The following KIF6 variants were observed in gnomAD, a reference collection of about 807,000 sequenced individuals.
KIF6 encodes kinesin-like protein KIF6.
In KIF6, 106 loss-of-function variants were observed where a neutral mutation model predicts 112.7. The ratio of observed to expected loss-of-function variants is 0.94; its 90% confidence interval spans 0.80 to 1.11. KIF6 has a LOEUF of 1.11. Among genes scored for constraint, KIF6 ranks in the 50% least tolerant of loss-of-function variants. The pLI, the probability that KIF6 is intolerant of heterozygous loss-of-function variation, is 0.00. For synonymous variants in KIF6, 339 were observed against 339.9 expected (o/e 1.00, Z 0.03); for missense variants, 929 against 964.0 (o/e 0.96, Z 0.48).
chr6:39,405,127 A>G (rs6930845), intron 15 of KIF6, among the ~76,000 whole-genome samples: 5,375 of 152,162 alleles, frequency 0.035, 309 homozygotes, highest in African/African-American at 0.12. Flanking sequence ...TAAATTCTTG[A>G]AATTATCTAA....
At chr6:39,686,332 T>G (rs1215099955) in intron 3 of KIF6, among the ~76,000 whole-genome samples, 1 of 152,206 alleles carries the variant, frequency 6.6e-6, no homozygotes, top group Non-Finnish European at 1.5e-5. Flanking sequence ...TTAACAAACC[T>G]TTGAAAATGC....
rs182967454 is a variant in KIF6 at position 39,707,611 on chromosome 6, C to T, written c.251+7081G>A. ...CAGAGTCATGTTTCTTTGTATATGA[C>T]GTCCAGAGTCTTTAGCTGTACTTAG... On this transcript the variant is annotated intron_variant, in intron 3 of 22. Transcript: ENST00000287152. 1.9e-3 allele frequency among the ~76,000 whole-genome samples: 292 copies of T among 152,296 alleles called. 1 individual carries two copies. The highest frequency in any genetic ancestry group is 6.4e-3 in the African/African-American group (267 of 41,562).
intron 13 of KIF6, among the ~76,000 whole-genome samples, chr6:39,495,742 C>T (rs1775746145): frequency 6.6e-6 from 1 of 152,154 alleles, no homozygotes; most frequent in South Asian, 2.1e-4. Flanking sequence ...TAGTATTTTG[C>T]ATCTCAAACT....
chr6:39,504,643 C>T (rs1776335780), intron 13 of KIF6, among the ~76,000 whole-genome samples: 1 of 152,210 alleles, frequency 6.6e-6, no homozygotes, highest in Non-Finnish European at 1.5e-5. Context: ...TAAGCAACTT[C>T]AGCAAAGTCT....
At chr6:39,650,157 T>C (rs1785397778) in intron 3 of KIF6, among the ~76,000 whole-genome samples, 1 of 152,190 alleles carries the variant, frequency 6.6e-6, no homozygotes. Context: ...AAACACATCA[T>C]GGGGCACCTA....
chr6:39,410,653 T>C (rs998267036), intron 15 of KIF6, among the ~76,000 whole-genome samples: 2 of 152,160 alleles, frequency 1.3e-5, no homozygotes, highest in African/African-American at 2.4e-5. Flanking sequence ...TAATGTACTA[T>C]AAATTATAAT....
chr6:39,339,817 T>C (rs1349186939), intron 22 of KIF6, among the ~76,000 whole-genome samples: 2 of 152,174 alleles, frequency 1.3e-5, no homozygotes, highest in African/African-American at 4.8e-5. Context: ...ATCAAATAGA[T>C]TCATCCTGGC....
At chr6:39,636,566 A>G (rs1037606837) in intron 4 of KIF6, among the ~76,000 whole-genome samples, 4 of 151,998 alleles carry the variant, frequency 2.6e-5, no homozygotes. Context: ...TAAACACTAA[A>G]AAGACTTGGT....
intron 13 of KIF6, among the ~76,000 whole-genome samples, chr6:39,527,068 G>C (rs1370722010): frequency 1.3e-5 from 2 of 152,144 alleles, no homozygotes; most frequent in Non-Finnish European, 2.9e-5. Flanking sequence ...GGTATATTGA[G>C]ACTTTACAAA....
chr6:39,654,025 C>G (rs1025436286), intron 3 of KIF6, among the ~76,000 whole-genome samples: 1 of 152,158 alleles, frequency 6.6e-6, no homozygotes, highest in South Asian at 2.1e-4. Flanking sequence ...GTTTTCACCA[C>G]AGCACTATAG....
At chr6:39,498,766 T>C in intron 13 of KIF6, among the ~76,000 whole-genome samples, 1 of 152,130 alleles carries the variant, frequency 6.6e-6, no homozygotes, top group East Asian at 1.9e-4. Flanking sequence ...GAGGAGATGA[T>C]AACTTTTTAG....
Position 39,378,352 on chromosome 6 carries a change from A to G in KIF6, c.1861+7270T>C, listed in dbSNP as rs1021032411. On this transcript the variant is annotated intron_variant, in intron 16 of 22. Transcript: ENST00000287152. This position sits in a 1 kb window ranked among gnomAD's most constrained non-coding sequence, Gnocchi z 5.0. ...AACATATCCAACATACCACATACAC[A>G]CATACCACGTGCCACATATACATAC... is the stretch of plus-strand genomic sequence containing the variant. Among the ~76,000 whole-genome samples the G allele has an allele frequency of 3.3e-5, 5 of 151,852 alleles. No homozygotes were observed. The highest frequency in any genetic ancestry group is 1.2e-4 in the African/African-American group (5 of 41,250).
At chr6:39,457,082 A>G (rs1203578665) in intron 13 of KIF6, among the ~76,000 whole-genome samples, 1 of 143,816 alleles carries the variant, frequency 7.0e-6, no homozygotes, top group African/African-American at 2.6e-5. Context: ...TTTCAGCACC[A>G]CACCACACCT....
rs1245910841 is a variant in KIF6 at position 39,596,191 on chromosome 6, C to A, written c.709G>T (p.Gly237Ter). ...TTGGCATGTCGTACAGTTGCAGATC[C>A]TGGTTCCTTGCTTGACAAATGAATG... ...FTIHLSSKEP[G>*]SATVRHAKLH... Residue 237 changes from glycine to a stop codon, truncating the protein, a stop_gained, in exon 7 of 23, where the codon GGA (glycine) becomes TGA (stop). Transcript: ENST00000287152. LOFTEE classifies it high-confidence loss of function. 1 of 1,614,064 alleles carries A rather than the reference C, an allele frequency of 6.2e-7. No homozygotes were observed. Among genetic ancestry groups the A allele is most frequent in the Non-Finnish European group, 8.5e-7 (1 of 1,179,984 alleles).
chr6:39,436,182 G>A (rs1253226410), intron 13 of KIF6, among the ~76,000 whole-genome samples: 2 of 151,940 alleles, frequency 1.3e-5, no homozygotes, highest in African/African-American at 4.8e-5. Context: ...GTCTCTTCAT[G>A]TCATTTTCCC....
chr6:39,474,522 C>T (rs528108233), intron 13 of KIF6, among the ~76,000 whole-genome samples: 15 of 152,332 alleles, frequency 9.8e-5, no homozygotes, highest in Middle Eastern at 3.4e-3. Context: ...CTTGCATGAA[C>T]GAAGGACATC....
At chr6:39,505,453 T>A (rs1776371177) in intron 13 of KIF6, among the ~76,000 whole-genome samples, 1 of 152,224 alleles carries the variant, frequency 6.6e-6, no homozygotes. Context: ...AAAGATTTCA[T>A]GATGAACACT....
intron 13 of KIF6, among the ~76,000 whole-genome samples, chr6:39,477,422 A>G (rs1774495551): frequency 6.6e-6 from 1 of 152,256 alleles, no homozygotes; most frequent in South Asian, 2.1e-4. Context: ...TATGTGTTGC[A>G]GCATCACCTA....
chr6:39,373,286 T>C (rs1562145672), intron 16 of KIF6, among the ~76,000 whole-genome samples: 1 of 152,330 alleles, frequency 6.6e-6, no homozygotes, highest in Non-Finnish European at 1.5e-5. Flanking sequence ...TTGGATGTGA[T>C]TGCGTTTTTT....
Sources: allele counts gnomAD v4.1 joint callset (sites outside exome capture counted in the v4.1 genomes callset), GRCh38; gene constraint gnomAD v4.1.1; non-coding constraint Gnocchi (gnomAD v3.1); transcripts MANE v1.5; gene names NCBI Gene and HGNC (gene_info 2026-07-23, HGNC 2026-07-21).